CADM2: variants seen among roughly 807,000 people sequenced by gnomAD.
The protein encoded by CADM2 is cell adhesion molecule 2.
Under a neutral mutation model 49.8 loss-of-function variants are expected in CADM2, and 12 were observed. The ratio of observed to expected loss-of-function variants is 0.24; its 90% CI spans 0.15 to 0.39. CADM2 has a LOEUF of 0.39. CADM2 is among the 10% of genes least tolerant of loss of function. The pLI, the probability that CADM2 is intolerant of heterozygous loss-of-function variation, is 1.00. For synonymous variants in CADM2, 214 were observed against 175.4 expected (o/e 1.22, Z -1.74); for missense variants, 378 against 492.3 (o/e 0.77, Z 2.20).
chr3:85,681,907 A>G (rs560528197), intron 1 of CADM2, among the ~76,000 whole-genome samples: 1 of 152,236 alleles, frequency 6.6e-6, no homozygotes, highest in East Asian at 1.9e-4. Context: ...TCACACAGAT[A>G]GCTTGTTTTG....
intron 1 of CADM2, among the ~76,000 whole-genome samples, chr3:85,560,255 AGG>A (rs2062060365): frequency 6.6e-6 from 1 of 152,188 alleles, no homozygotes; most frequent in Non-Finnish European, 1.5e-5. Flanking sequence ...CACGAGCAGC[AGG>A]TGCACCAGCT....
At chr3:85,133,246 G>T (rs1289958322) in intron 1 of CADM2, among the ~76,000 whole-genome samples, 2 of 152,188 alleles carry the variant, frequency 1.3e-5, no homozygotes, top group Non-Finnish European at 2.9e-5. Context: ...GGACCCCAGA[G>T]GTTTGCCACC....
intron 1 of CADM2, among the ~76,000 whole-genome samples, chr3:85,261,269 G>A (rs921530501): frequency 4.6e-5 from 7 of 152,062 alleles, no homozygotes; most frequent in African/African-American, 1.7e-4. Context: ...CTGAGTAGCT[G>A]GGATTACAGG....
At chr3:85,087,786 A>T (rs2037439706) in intron 1 of CADM2, among the ~76,000 whole-genome samples, 1 of 152,198 alleles carries the variant, frequency 6.6e-6, no homozygotes, top group African/African-American at 2.4e-5. Context: ...ATGTGTCTGC[A>T]TAACATTACC....
chr3:85,881,739 T>C (rs1712811345), intron 3 of CADM2, among the ~76,000 whole-genome samples: 1 of 152,140 alleles, frequency 6.6e-6, no homozygotes, highest in South Asian at 2.1e-4. Flanking sequence ...TAAAAAATGC[T>C]CTAGCTCAGC....
At chr3:85,282,378 T>C (rs2043524257) in intron 1 of CADM2, among the ~76,000 whole-genome samples, 2 of 149,052 alleles carry the variant, frequency 1.3e-5, no homozygotes, top group South Asian at 4.3e-4. Context: ...TCTCCTGTCA[T>C]AGCCTCCCGA....
chr3:85,044,825 C>A (rs1553674642), intron 1 of CADM2, among the ~76,000 whole-genome samples: 2 of 142,094 alleles, frequency 1.4e-5, no homozygotes, highest in Admixed American at 7.4e-5. Flanking sequence ...TTGGAAGACT[C>A]TCAACTGATA....
At chr3:85,246,545 G>T (rs1287049558) in intron 1 of CADM2, among the ~76,000 whole-genome samples, 1 of 151,930 alleles carries the variant, frequency 6.6e-6, no homozygotes, top group Non-Finnish European at 1.5e-5. Flanking sequence ...TTAAAATGAG[G>T]GTTATTTAGC....
chr3:85,419,509 C>T (rs1294737597), intron 1 of CADM2, among the ~76,000 whole-genome samples: 1 of 151,706 alleles, frequency 6.6e-6, no homozygotes, highest in African/African-American at 2.4e-5. Context: ...ATATGTGCTG[C>T]TATTCTTGGG....
intron 5 of CADM2, among the ~76,000 whole-genome samples, chr3:85,900,553 C>G (rs1326289738): frequency 1.3e-5 from 2 of 152,156 alleles, no homozygotes; most frequent in South Asian, 2.1e-4. Context: ...TTTTTACTGG[C>G]TTTTACTTAG....
chr3:85,525,475 C>T (rs1460517320), intron 1 of CADM2, among the ~76,000 whole-genome samples: 2 of 151,976 alleles, frequency 1.3e-5, no homozygotes, highest in African/African-American at 2.4e-5. Flanking sequence ...TGACTATTTC[C>T]AGCTTTCTTC....
intron 1 of CADM2, among the ~76,000 whole-genome samples, chr3:85,596,861 C>T (rs898930002): frequency 6.6e-6 from 1 of 152,056 alleles, no homozygotes; most frequent in Non-Finnish European, 1.5e-5. Flanking sequence ...GAACTACAGG[C>T]ATGCCCCACC....
intron 1 of CADM2, among the ~76,000 whole-genome samples, chr3:85,515,631 A>ATATT (rs1159969286): frequency 5.9e-4 from 70 of 118,390 alleles, no homozygotes; most frequent in African/African-American, 1.3e-3. Flanking sequence ...ATATATATAT[A>ATATT]TTTTTTTTTT....
At chr3:85,333,931 C>A (rs966767597) in intron 1 of CADM2, among the ~76,000 whole-genome samples, 6 of 151,734 alleles carry the variant, frequency 4.0e-5, no homozygotes, top group Admixed American at 2.0e-4. Flanking sequence ...TTACCGTGTA[C>A]AATTCACTTC....
chr3:84,986,314 T>C (rs2032548477), intron 1 of CADM2, among the ~76,000 whole-genome samples: 1 of 152,144 alleles, frequency 6.6e-6, no homozygotes, highest in Admixed American at 6.6e-5. Context: ...GATTGACACT[T>C]TTGTGTACCT....
chr3:85,390,472 C>T (rs1048979230), intron 1 of CADM2, among the ~76,000 whole-genome samples: 3 of 152,050 alleles, frequency 2.0e-5, no homozygotes, highest in African/African-American at 4.8e-5. Flanking sequence ...TCTCTGAACT[C>T]TGCTACAGTC....
intron 1 of CADM2, among the ~76,000 whole-genome samples, chr3:85,095,102 A>G (rs1190652107): frequency 1.3e-5 from 2 of 152,346 alleles, no homozygotes; most frequent in Middle Eastern, 3.4e-3. Flanking sequence ...ATGTCTATCA[A>G]TACCTTTACA....
intron 2 of CADM2, among the ~76,000 whole-genome samples, chr3:85,729,807 A>G (rs899612369): frequency 5.9e-5 from 9 of 152,192 alleles, no homozygotes; most frequent in Non-Finnish European, 1.3e-4. Flanking sequence ...GAGAAATAAT[A>G]TGAATGTTTT....
At chr3:85,684,444 C>CAG (rs112163774) in intron 1 of CADM2, among the ~76,000 whole-genome samples, 1,579 of 148,684 alleles carry the variant, frequency 0.011, 15 homozygotes, top group Middle Eastern at 0.021. Flanking sequence ...CACACTTTGA[C>CAG]AGAGAGAGAG....
Sources: gnomAD v4.1 joint callset for allele counts (sites outside exome capture counted in the v4.1 genomes callset) on GRCh38, gnomAD v4.1.1 for gene constraint, MANE v1.5 for transcripts, NCBI Gene and HGNC (gene_info 2026-07-23, HGNC 2026-07-21) for gene names.